SIPA1L2: variants seen among roughly 807,000 people sequenced by gnomAD.
The protein encoded by SIPA1L2 is signal induced proliferation associated 1 like 2.
In SIPA1L2, 56 loss-of-function variants were observed where a neutral mutation model predicts 163.9. The ratio of observed to expected loss-of-function variants is 0.34; its 90% confidence interval spans 0.28 to 0.43. SIPA1L2 has a LOEUF of 0.43. Ranked by LOEUF, SIPA1L2 falls within the 20% of genes least tolerant of loss-of-function variation. SIPA1L2 has a pLI of 1.00. For synonymous variants in SIPA1L2, 877 were observed against 865.7 expected, an observed-to-expected ratio of 1.01 and a Z score of -0.23; for missense variants, 1,974 against 2,193.5, an observed-to-expected ratio of 0.90 and a Z score of 2.00.
rs1420723468 is a variant in SIPA1L2, at chr1:232,398,466, G to C, written c.*661C>G. On this transcript the variant is annotated 3_prime_UTR_variant, in exon 23 of 23. Transcript: ENST00000674635. ...TGTATCTTTTTTTTGTTTTTAATCA[G>C]AACACTGTTAATATTCAGGCACCAT... is the stretch of plus-strand genomic sequence containing the variant. 6.6e-6 allele frequency: 1 copy of C among 152,278 alleles called. No homozygotes were observed. The highest frequency in any genetic ancestry group is 3.2e-3 in the Middle Eastern group (1 of 314). 9.4% of individuals were successfully genotyped at this position (152,278 alleles called of 1,614,324 possible). A position where few individuals can be genotyped will look rare whatever the true frequency, so the allele number is the denominator to read the frequency against.
chr1:232,568,455 C>T (rs760655295), intron 2 of SIPA1L2, among the ~76,000 whole-genome samples: 3 of 152,198 alleles, frequency 2.0e-5, no homozygotes, highest in Non-Finnish European at 2.9e-5. Flanking sequence ...GGTATGACAG[C>T]AGCAGAGGAA....
intron 9 of SIPA1L2, 140 bp from the exon 10 acceptor site, chr1:232,461,301 C>T: frequency 9.7e-7 from 1 of 1,030,250 alleles, no homozygotes; most frequent in Non-Finnish European, 1.4e-6. Flanking sequence ...CTGCCTTTTC[C>T]TCAAACTGTC....
Position 232,514,135 on chromosome 1 carries a change from C to T in SIPA1L2, c.1205G>A (p.Ser402Asn), listed in dbSNP as rs376185035. The change falls in exon 3 of 23, where the codon AGT becomes AAT. Residue 402 changes from serine (S) to asparagine (N), a missense_variant. Ser to Asn is a conservative substitution (Grantham distance 46). Transcript: ENST00000674635. Reference sequence around the variant, plus strand: ...AGGACAACTAAGGACGAGGTCGTTACTTTTCCCATCACCCTCATCGGCATC... The same window carrying T: ...AGGACAACTAAGGACGAGGTCGTTATTTTTCCCATCACCCTCATCGGCATC... ...NLDADEGDGK[S>N]NDLVLSCPYF... 25 of 1,614,232 alleles carry T rather than the reference C, an allele frequency of 1.5e-5. No homozygotes were observed. The highest frequency in any genetic ancestry group is 1.6e-4 in the Middle Eastern group (1 of 6,062).
At chr1:232,441,258 GGCCAGTGAA>G (rs755931571) in intron 14 of SIPA1L2, 24 bp downstream of exon 14, 2 of 1,528,356 alleles carry the variant, frequency 1.3e-6, no homozygotes, top group African/African-American at 2.8e-5. Flanking sequence ...GTCCTGGCTA[GGCCAGTGAA>G]GGGCTTATGA....
Position 232,465,441 on chromosome 1 carries a change from A to G in SIPA1L2, c.2244-25T>C. The G allele has an allele frequency of 6.4e-7, 1 of 1,574,132 alleles. No individual in the cohort carries two copies. Among genetic ancestry groups the G allele is most frequent in the Non-Finnish European group, 8.6e-7 (1 of 1,157,878 alleles). Reference sequence around the variant, plus strand: ...ACTGAGGAAGTAAAAACAGAAACAAAATGAGATGAGCTATGATACCATAAT... The same window carrying G: ...ACTGAGGAAGTAAAAACAGAAACAAGATGAGATGAGCTATGATACCATAAT... On this transcript the variant is annotated intron_variant, in intron 8 of 22. Transcript: ENST00000674635. This position sits in a 1 kb window ranked among gnomAD's most constrained non-coding sequence, Gnocchi z 4.1.
intron 2 of SIPA1L2, among the ~76,000 whole-genome samples, chr1:232,526,318 T>C (rs1286289702): frequency 1.4e-5 from 2 of 143,338 alleles, no homozygotes; most frequent in Non-Finnish European, 3.0e-5. Context: ...ACACCTCTCA[T>C]GGGATCCCCT....
intron 1 of SIPA1L2, among the ~76,000 whole-genome samples, chr1:232,599,853 T>C (rs1423976602): frequency 6.6e-6 from 1 of 152,266 alleles, no homozygotes; most frequent in Non-Finnish European, 1.5e-5. Flanking sequence ...CTCGAAAGTA[T>C]TCAACAAACC....
At chr1:232,605,015 G>GC (rs1438083629) in intron 1 of SIPA1L2, among the ~76,000 whole-genome samples, 1 of 152,088 alleles carries the variant, frequency 6.6e-6, no homozygotes, top group Non-Finnish European at 1.5e-5. Context: ...TTATAGCAAT[G>GC]CAAGAACTGA....
intron 17 of SIPA1L2, among the ~76,000 whole-genome samples, chr1:232,426,925 TCAAA>T (rs887227771): frequency 2.6e-5 from 4 of 152,330 alleles, no homozygotes; most frequent in African/African-American, 7.2e-5. Context: ...GTTCACATCA[TCAAA>T]CAAAGAAATG....
chr1:232,458,298 G>C (rs1308893503), intron 10 of SIPA1L2, among the ~76,000 whole-genome samples: 2 of 152,220 alleles, frequency 1.3e-5, no homozygotes, highest in African/African-American at 2.4e-5. Context: ...ATTATGTGTA[G>C]ACCAAGGCAG....
intron 3 of SIPA1L2, among the ~76,000 whole-genome samples, chr1:232,505,540 G>T (rs750124876): frequency 1.3e-5 from 2 of 152,200 alleles, no homozygotes; most frequent in Non-Finnish European, 2.9e-5. Flanking sequence ...GAGTCAGTAG[G>T]TTTTGAAATA....
chr1:232,443,533 A>C lies in SIPA1L2; in HGVS notation c.3437+69T>G, dbSNP rs1052295251. 6.3e-6 allele frequency: 8 copies of C among 1,273,926 alleles called. No individual in the cohort carries two copies. In the African/African-American group the frequency reaches 1.2e-4, roughly 19 times the overall value. 78.9% of individuals were successfully genotyped at this position (1,273,926 alleles called of 1,614,324 possible). A position where few individuals can be genotyped will look rare whatever the true frequency, so the allele number is the denominator to read the frequency against. ...CCCCAGGTACAGAAGGCACACAGTA[A>C]ATGCTTTTCAATGAGTCACAGAAAA... On this transcript the variant is annotated intron_variant, in intron 12 of 22. Transcript: ENST00000674635.
rs550665050 is a variant in SIPA1L2, at chr1:232,525,256, G to C, written c.-269-9648C>G. On this transcript the variant is annotated intron_variant, in intron 2 of 22. Transcript: ENST00000674635. ...AGCTTTTTTTTTTTTTTTTTTTGGA[G>C]ACGGAGTCTTGCTCTGTCGCCCAGG... 1.3e-3 allele frequency among the ~76,000 whole-genome samples: 141 copies of C among 106,094 alleles called. 1 individual carries two copies. Among genetic ancestry groups the C allele is most frequent in the Non-Finnish European group, 1.9e-3 (108 of 55,402 alleles). The allele number at this position is 106,094 out of a possible 152,430, so 69.6% of individuals were successfully genotyped here.
rs1332437088 is a variant in SIPA1L2 at position 232,425,647 on chromosome 1, G to C, written c.4572C>G (p.Pro1524=). ...PNDILFSTTP[P]YHSTLPPRAH... ...CCCGCGGAGGCAGCGTGCTGTGGTAGGGTGGGGTGGTGCTGAACAGAATGT... is the reference window on the plus strand; with the variant it reads ...CCCGCGGAGGCAGCGTGCTGTGGTACGGTGGGGTGGTGCTGAACAGAATGT... Residue 1524 remains proline, a synonymous_variant, in exon 18 of 23, where the codon CCC becomes CCG. Coordinates refer to ENST00000674635, the MANE Select transcript of SIPA1L2 (RefSeq NM_020808.5). The C allele has an allele frequency of 6.2e-7, 1 of 1,613,004 alleles. No individual in the cohort carries two copies. The highest frequency in any genetic ancestry group is 1.7e-5 in the Admixed American group (1 of 59,944).
chr1:232,421,920 T>G (rs1661599355), intron 18 of SIPA1L2, among the ~76,000 whole-genome samples: 1 of 152,210 alleles, frequency 6.6e-6, no homozygotes, highest in Non-Finnish European at 1.5e-5. Flanking sequence ...TAGGAAGATT[T>G]CAGAGTTTTG....
intron 3 of SIPA1L2, among the ~76,000 whole-genome samples, chr1:232,505,897 T>G (rs1338896389): frequency 2.0e-5 from 3 of 152,194 alleles, no homozygotes; most frequent in African/African-American, 7.2e-5. Context: ...AATTTAATAG[T>G]GTCCAACTCC....
In SIPA1L2 at chr1:232,495,913, A is replaced by G. The variant is rs145847591; in HGVS notation, c.1484-2253T>C. ...GAAAGCATTTTTGTACAATTGTACA[A>G]TGTGTGCATTAAGCTAAATGTTATT... is the stretch of plus-strand genomic sequence containing the variant. On this transcript the variant is annotated intron_variant, in intron 3 of 22. Transcript: ENST00000674635. 1.6e-3 allele frequency among the ~76,000 whole-genome samples: 248 copies of G among 152,376 alleles called. 1 individual carries two copies. The highest frequency in any genetic ancestry group is 5.1e-3 in the African/African-American group (211 of 41,594).
At chr1:232,496,155 G>GT (rs1432698318) in intron 3 of SIPA1L2, among the ~76,000 whole-genome samples, 5 of 152,176 alleles carry the variant, frequency 3.3e-5, no homozygotes, top group Admixed American at 3.3e-4. Flanking sequence ...TCCATTCATG[G>GT]TAAGTGCCCT....
intron 3 of SIPA1L2, among the ~76,000 whole-genome samples, chr1:232,501,476 T>C (rs1666479529): frequency 1.3e-5 from 2 of 152,218 alleles, no homozygotes; most frequent in Non-Finnish European, 2.9e-5. Flanking sequence ...CTTGGGCCAG[T>C]GAGTGTCCCA....
Sources: allele counts gnomAD v4.1 joint callset (sites outside exome capture counted in the v4.1 genomes callset), GRCh38; gene constraint gnomAD v4.1.1; non-coding constraint Gnocchi (gnomAD v3.1); transcripts MANE v1.5; gene names NCBI Gene and HGNC (gene_info 2026-07-23, HGNC 2026-07-21).